Variants in WSCD2 observed in about 807,000 individuals in gnomAD.
WSCD2 encodes the protein sialate:O-sulfotransferase 2.
A neutral mutation model predicts 55.7 loss-of-function variants in WSCD2; 28 were observed. The ratio of observed to expected loss-of-function variants is 0.50; its 90% CI spans 0.37 to 0.69. The LOEUF is 0.69. Among genes scored for constraint, WSCD2 ranks in the 30% least tolerant of loss-of-function variants. The pLI is 0.00. For missense variants in WSCD2, 616 were observed against 762.1 expected, an observed-to-expected ratio of 0.81 and a Z score of 2.26; for synonymous variants, 301 against 301.9, an observed-to-expected ratio of 1.00 and a Z score of 0.03.
At chr12:108,197,011 T>G (rs972530266) in intron 2 of WSCD2, 2 of 152,228 alleles carry the variant, frequency 1.3e-5, no homozygotes, top group African/African-American at 4.8e-5. Context: ...TCATCTGGCC[T>G]GAATGCTCAG....
At chr12:108,211,119 T>C (rs894855406) in intron 4 of WSCD2, among the ~76,000 whole-genome samples, 4 of 152,226 alleles carry the variant, frequency 2.6e-5, no homozygotes, top group Non-Finnish European at 5.9e-5. Context: ...CTACAGCCTT[T>C]TCAGGTAATT....
At chr12:108,165,401 G>T (rs1217506554) in intron 1 of WSCD2, among the ~76,000 whole-genome samples, 3 of 152,054 alleles carry the variant, frequency 2.0e-5, no homozygotes, top group African/African-American at 4.8e-5. Context: ...TTTGTTGTTG[G>T]TGTTTTTTTT....
chr12:108,180,068 GAAAAA>G (rs1183479948), intron 1 of WSCD2, among the ~76,000 whole-genome samples: 22 of 132,530 alleles, frequency 1.7e-4, no homozygotes, highest in African/African-American at 2.5e-4. Flanking sequence ...AAAAAAAAAA[GAAAAA>G]GAAAAGAAAA....
intron 5 of WSCD2, 135 bp from the exon 6 acceptor site, chr12:108,226,855 T>C (rs1888150013): frequency 2.9e-6 from 3 of 1,051,786 alleles, no homozygotes; most frequent in Admixed American, 5.9e-5. Flanking sequence ...TGGATGGAAT[T>C]TGGGGACCCT....
At chr12:108,178,473 G>C (rs1881196757) in intron 1 of WSCD2, among the ~76,000 whole-genome samples, 1 of 152,128 alleles carries the variant, frequency 6.6e-6, no homozygotes, top group Non-Finnish European at 1.5e-5. Context: ...ATTGTTCCTT[G>C]CTATGCACTA....
intron 2 of WSCD2, among the ~76,000 whole-genome samples, chr12:108,198,190 C>T (rs570516515): frequency 5.4e-4 from 82 of 152,118 alleles, no homozygotes; most frequent in African/African-American, 1.9e-3. Flanking sequence ...TCCAGGAGGG[C>T]AGGGCTATTA....
chr12:108,187,234 G>T (rs960209511), intron 1 of WSCD2, among the ~76,000 whole-genome samples: 2 of 152,212 alleles, frequency 1.3e-5, no homozygotes, highest in Non-Finnish European at 2.9e-5. Flanking sequence ...CTGTAAGCAA[G>T]GGGTGGGTGT....
At chr12:108,202,198 G>A (rs1884778246) in intron 2 of WSCD2, among the ~76,000 whole-genome samples, 1 of 152,134 alleles carries the variant, frequency 6.6e-6, no homozygotes, top group African/African-American at 2.4e-5. Flanking sequence ...TGTATTGGTC[G>A]CAGCCTGCAC....
At chr12:108,156,998 C>T (rs923535317) in intron 1 of WSCD2, among the ~76,000 whole-genome samples, 6 of 152,192 alleles carry the variant, frequency 3.9e-5, no homozygotes, top group Non-Finnish European at 5.9e-5. Flanking sequence ...CCAGAGAAAT[C>T]GACTTCTCAC....
At position 108,210,009 on chromosome 12, in the gene WSCD2, TG is replaced by T. The variant is rs1193359686; in HGVS notation, c.498-109del. 7.0e-7 allele frequency: 1 copy of T among 1,431,950 alleles called. No homozygotes were observed. Among genetic ancestry groups the T allele is most frequent in the Non-Finnish European group, 9.6e-7 (1 of 1,043,076 alleles). The allele number at this position is 1,431,950 out of a possible 1,614,324, so 88.7% of individuals were successfully genotyped here. On this transcript the variant is annotated intron_variant, in intron 3 of 8. Coordinates refer to ENST00000547525, the MANE Select transcript of WSCD2 (RefSeq NM_014653.4). This position sits in a 1 kb window ranked among gnomAD's most constrained non-coding sequence, Gnocchi z 4.3. ...CCATCAGCAGTCTCCCCATTTCCCC[TG>T]GGATCTCCTGGTCCCCAGAGCCCTC...
chr12:108,246,531 A>G (rs1005578222), intron 8 of WSCD2, among the ~76,000 whole-genome samples: 4 of 152,046 alleles, frequency 2.6e-5, no homozygotes, highest in East Asian at 1.9e-4. Flanking sequence ...CCCCTTCTGC[A>G]CTTTCCCCAG....
At chr12:108,157,935 T>C (rs1440098054) in intron 1 of WSCD2, among the ~76,000 whole-genome samples, 2 of 152,102 alleles carry the variant, frequency 1.3e-5, no homozygotes, top group Non-Finnish European at 2.9e-5. Context: ...TACAAATGAA[T>C]TCCTCTAGCA....
In WSCD2 at chr12:108,184,079, C is replaced by G. The variant is rs1221368147; in HGVS notation, c.-551-11203C>G. On this transcript the variant is annotated intron_variant, in intron 1 of 8. Coordinates refer to ENST00000547525, the MANE Select transcript of WSCD2 (RefSeq NM_014653.4). ...AAAACTGGGTCTGGGTAGAGTCACCCTCCACCTCCCCTTTAGGCCTCAGTT... is the reference window on the plus strand; with the variant it reads ...AAAACTGGGTCTGGGTAGAGTCACCGTCCACCTCCCCTTTAGGCCTCAGTT... Among the ~76,000 whole-genome samples, 3 of 152,150 alleles carry G rather than the reference C, an allele frequency of 2.0e-5. 1 individual carries two copies. The highest frequency in any genetic ancestry group is 7.2e-5 in the African/African-American group (3 of 41,436).
intron 4 of WSCD2, among the ~76,000 whole-genome samples, chr12:108,215,807 C>T (rs986478589): frequency 1.3e-5 from 2 of 152,176 alleles, no homozygotes; most frequent in African/African-American, 4.8e-5. Context: ...TTTTGTGAAG[C>T]TCCAGAACAA....
At chr12:108,208,622 C>T (rs1247681700) in intron 3 of WSCD2, among the ~76,000 whole-genome samples, 1 of 152,094 alleles carries the variant, frequency 6.6e-6, no homozygotes, top group African/African-American at 2.4e-5. Context: ...CTCAGGTAGG[C>T]AGCATGGGAG....
chr12:108,172,198 A>G (rs1337378405), intron 1 of WSCD2, among the ~76,000 whole-genome samples: 1 of 152,210 alleles, frequency 6.6e-6, no homozygotes, highest in African/African-American at 2.4e-5. Flanking sequence ...GAGGTTAGGT[A>G]ACTTGTTCAA....
At chr12:108,212,585 C>T (rs536138049) in intron 4 of WSCD2, among the ~76,000 whole-genome samples, 10 of 137,588 alleles carry the variant, frequency 7.3e-5, no homozygotes, top group Admixed American at 3.7e-4. Flanking sequence ...TCTCTCCACC[C>T]CCATTTCTCT....
chr12:108,218,506 C>T (rs900525190), intron 4 of WSCD2, among the ~76,000 whole-genome samples: 1 of 152,180 alleles, frequency 6.6e-6, no homozygotes, highest in African/African-American at 2.4e-5. Context: ...TGTGACCCAT[C>T]AGTGGACTGA....
Position 108,195,802 on chromosome 12 carries a change from C to T in WSCD2, c.-31C>T, listed in dbSNP as rs1222309094. ...TCCTCTCCCAAGCACCCCAGCCAAG[C>T]CCCAGAGAGCCAGTCCGGAATGATC... On this transcript the variant is annotated 5_prime_UTR_variant, in exon 2 of 9. Transcript: ENST00000547525. 3.2e-6 allele frequency: 5 copies of T among 1,568,812 alleles called. No individual in the cohort carries two copies. The South Asian group carries it at 6.0e-5, about 19-fold the overall frequency.
Sources: allele counts gnomAD v4.1 joint callset (sites outside exome capture counted in the v4.1 genomes callset), GRCh38; gene constraint gnomAD v4.1.1; non-coding constraint Gnocchi (gnomAD v3.1); transcripts MANE v1.5; gene names NCBI Gene and HGNC (gene_info 2026-07-23, HGNC 2026-07-21).